The following ARID3B variants were observed in gnomAD, a reference collection of about 807,000 sequenced individuals.
ARID3B encodes AT-rich interaction domain 3B.
ARID3B carries 10 observed loss-of-function variants against 51.9 expected under a neutral mutation model. The ratio of observed to expected loss-of-function variants is 0.19; its 90% confidence interval spans 0.12 to 0.33. The LOEUF (loss-of-function observed/expected upper bound fraction) is 0.33. Ranked by LOEUF, ARID3B falls within the 10% of genes least tolerant of loss-of-function variation. The pLI, the probability that ARID3B is intolerant of heterozygous loss-of-function variation, is 1.00. For missense variants in ARID3B, 483 were observed against 716.3 expected (o/e 0.67, Z 3.72); for synonymous variants, 205 against 279.5 (o/e 0.73, Z 2.66).
rs2061607481 is a variant in ARID3B, at chr15:74,544,378, C to T, written c.442C>T (p.Pro148Ser). Reference sequence around the variant, plus strand: ...TCTACTTCCAGCACCAGGGCTCCCACCACATGGACAACAAGCTAAAGAAGA... The same window carrying T: ...TCTACTTCCAGCACCAGGGCTCCCATCACATGGACAACAAGCTAAAGAAGA... ...SNLLPAPGLP[P>S]HGQQAKEDHT... Residue 148 changes from proline (P) to serine (S), a missense_variant, in exon 2 of 9, where the codon CCA becomes TCA. Coordinates refer to ENST00000346246, the MANE Select transcript of ARID3B (RefSeq NM_006465.4). 6 of 1,613,704 alleles carry T rather than the reference C, an allele frequency of 3.7e-6. No homozygotes were observed. Among genetic ancestry groups the T allele is most frequent in the Non-Finnish European group, 5.1e-6 (6 of 1,179,764 alleles).
chr15:74,576,034 C>G (rs561620443), intron 4 of ARID3B, among the ~76,000 whole-genome samples: 1 of 152,154 alleles, frequency 6.6e-6, no homozygotes, highest in Non-Finnish European at 1.5e-5. Flanking sequence ...GTAGCTGGGA[C>G]TATAGGTAGG....
chr15:74,582,954 G>T (rs1403619280), intron 4 of ARID3B, among the ~76,000 whole-genome samples: 2 of 151,960 alleles, frequency 1.3e-5, no homozygotes, highest in African/African-American at 4.8e-5. Context: ...AGCACTTTGG[G>T]AGGGTGAGGC....
chr15:74,553,802 T>TA lies in ARID3B; in HGVS notation c.552+9314_552+9315insA, dbSNP rs559154678. Among the ~76,000 whole-genome samples, 308 of 149,668 alleles carry TA rather than the reference T, an allele frequency of 2.1e-3. 1 individual carries two copies. The highest frequency in any genetic ancestry group is 7.2e-3 in the African/African-American group (295 of 40,874). On this transcript the variant is annotated intron_variant, in intron 2 of 8. Coordinates refer to ENST00000346246, the MANE Select transcript of ARID3B (RefSeq NM_006465.4). ...CTCTTTTTTTTGTTTTGTTTTTTAA[T>TA]TTTTATTTATTTATTTATTTATTTA...
chr15:74,578,411 G>T (rs1278188875), intron 4 of ARID3B, among the ~76,000 whole-genome samples: 6 of 152,138 alleles, frequency 3.9e-5, no homozygotes, highest in Admixed American at 6.5e-5. Context: ...CCAACCTCAG[G>T]TAATCCGCCC....
At chr15:74,568,112 T>A (rs1194474929) in intron 2 of ARID3B, among the ~76,000 whole-genome samples, 1 of 152,170 alleles carries the variant, frequency 6.6e-6, no homozygotes, top group Non-Finnish European at 1.5e-5. Context: ...GGTAAAAAGT[T>A]AGCAATTCTT....
intron 1 of ARID3B, among the ~76,000 whole-genome samples, chr15:74,543,486 C>T (rs967941147): frequency 2.0e-5 from 3 of 152,078 alleles, no homozygotes; most frequent in African/African-American, 7.2e-5. Flanking sequence ...AGTGCAAACC[C>T]AGTTACCTTT....
chr15:74,552,717 C>T (rs983055601), intron 2 of ARID3B, among the ~76,000 whole-genome samples: 2 of 152,086 alleles, frequency 1.3e-5, no homozygotes, highest in Non-Finnish European at 2.9e-5. Flanking sequence ...TGGCTTTCTC[C>T]ACTTAGTAAT....
chr15:74,575,791 CG>C (rs1485526114), intron 4 of ARID3B, among the ~76,000 whole-genome samples: 2 of 152,190 alleles, frequency 1.3e-5, no homozygotes, highest in Admixed American at 6.5e-5. Flanking sequence ...AGAAGGGAAA[CG>C]GTTCTGTCTG....
Position 74,573,412 on chromosome 15 carries a change from A to G in ARID3B, c.697+208A>G. The G allele has an allele frequency of 5.1e-6, 3 of 592,128 alleles. No homozygotes were observed. In the South Asian group the frequency reaches 6.0e-5, roughly 12 times the overall value. 36.7% of individuals were successfully genotyped at this position (592,128 alleles called of 1,614,324 possible). On this transcript the variant is annotated intron_variant, in intron 4 of 8. Coordinates refer to ENST00000346246, the MANE Select transcript of ARID3B (RefSeq NM_006465.4). Reference sequence around the variant, plus strand: ...GTGTTGGCACAAAGTAGATGGAATGATCGTCCACTTTTGGCCCTGCCTGAT... The same window carrying G: ...GTGTTGGCACAAAGTAGATGGAATGGTCGTCCACTTTTGGCCCTGCCTGAT...
chr15:74,544,400 A>G lies in ARID3B; in HGVS notation c.464A>G (p.Glu155Gly). The part of the protein sequence containing the change: ...GLPPHGQQAK[E>G]DHTKDASKAS... ...CCACCACATGGACAACAAGCTAAAG[A>G]AGACCATACCAAAGATGCTTCCAAG... Residue 155 changes from glutamate (E) to glycine (G), a missense_variant, in exon 2 of 9, where the codon GAA (glutamate) becomes GGA (glycine). Physicochemically the swap from Glu to Gly is moderately conservative, Grantham distance 98. Coordinates refer to ENST00000346246, the MANE Select transcript of ARID3B (RefSeq NM_006465.4). The G allele has an allele frequency of 6.2e-7, 1 of 1,614,164 alleles. No individual in the cohort carries two copies. Among genetic ancestry groups the G allele is most frequent in the Non-Finnish European group, 8.5e-7 (1 of 1,180,016 alleles).
At chr15:74,544,583 T>TTCTCACC in intron 2 of ARID3B, 95 bp downstream of exon 2, 1 of 1,320,668 alleles carries the variant, frequency 7.6e-7, no homozygotes, top group Non-Finnish European at 1.0e-6. Context: ...AGTCTGTGCC[T>TTCTCACC]TCTCACCCCA....
At chr15:74,551,168 C>G (rs2061636199) in intron 2 of ARID3B, among the ~76,000 whole-genome samples, 1 of 152,124 alleles carries the variant, frequency 6.6e-6, no homozygotes, top group Non-Finnish European at 1.5e-5. Context: ...AGTTCAAATC[C>G]ACGTTGAAGG....
chr15:74,576,238 T>C (rs1045980319), intron 4 of ARID3B, among the ~76,000 whole-genome samples: 7 of 152,128 alleles, frequency 4.6e-5, no homozygotes, highest in Non-Finnish European at 7.3e-5. Context: ...ATCCACTAGA[T>C]ACCAATATCA....
intron 2 of ARID3B, among the ~76,000 whole-genome samples, chr15:74,556,839 A>G (rs964378103): frequency 6.3e-5 from 9 of 142,450 alleles, no homozygotes; most frequent in Non-Finnish European, 1.0e-4. Context: ...CAGAGGTGCA[A>G]TCTCGGCTCA....
intron 2 of ARID3B, among the ~76,000 whole-genome samples, chr15:74,549,100 G>T (rs8031816): frequency 0.013 from 1,914 of 150,712 alleles, 39 homozygotes; most frequent in African/African-American, 0.045. Flanking sequence ...TTTTTAGACG[G>T]TGTCTCGCTG....
At chr15:74,587,948 G>T (rs532185740) in intron 4 of ARID3B, among the ~76,000 whole-genome samples, 43 of 152,282 alleles carry the variant, frequency 2.8e-4, no homozygotes, top group African/African-American at 1.0e-3. Context: ...CCACACTTAG[G>T]AAAGAGGCCT....
chr15:74,564,614 T>C (rs1705968691), intron 2 of ARID3B, among the ~76,000 whole-genome samples: 1 of 152,184 alleles, frequency 6.6e-6, no homozygotes. Context: ...TTTCTTTTTC[T>C]TTTTGAGACA....
intron 2 of ARID3B, among the ~76,000 whole-genome samples, chr15:74,570,224 C>T (rs1416538941): frequency 6.6e-6 from 1 of 152,056 alleles, no homozygotes; most frequent in Non-Finnish European, 1.5e-5. Context: ...CCTACCAGCC[C>T]CAGCCCCCAT....
chr15:74,543,675 T>G lies in ARID3B; in HGVS notation c.-77-185T>G, dbSNP rs568271247. Among the ~76,000 whole-genome samples, 12 of 152,272 alleles carry G rather than the reference T, an allele frequency of 7.9e-5. No homozygotes were observed. In the South Asian group the frequency reaches 2.5e-3, roughly 32 times the overall value. On this transcript the variant is annotated intron_variant, in intron 1 of 8. Transcript: ENST00000346246. ...CCCTCTTAGATCCTGTTTCTCTTCT[T>G]CACACCTTTTCCTACCCACCCACGA... is the stretch of plus-strand genomic sequence containing the variant.
Sources: gnomAD v4.1 joint callset for allele counts (sites outside exome capture counted in the v4.1 genomes callset) on GRCh38, gnomAD v4.1.1 for gene constraint, MANE v1.5 for transcripts, NCBI Gene and HGNC (gene_info 2026-07-23, HGNC 2026-07-21) for gene names.